ZDHHC11B: variants seen among roughly 807,000 people sequenced by gnomAD.
ZDHHC11B encodes the protein zDHHC palmitoyltransferase 11B (putative).
In ZDHHC11B, 17 loss-of-function variants were observed where a neutral mutation model predicts 42.3. That is an observed-to-expected ratio of 0.40 (90% CI 0.27 to 0.60). ZDHHC11B has a LOEUF of 0.60. ZDHHC11B is among the 20% of genes least tolerant of loss of function. ZDHHC11B has a pLI of 0.41. For missense variants in ZDHHC11B, 262 were observed against 463.2 expected, an observed-to-expected ratio of 0.57 and a Z score of 3.99; for synonymous variants, 123 against 193.5, an observed-to-expected ratio of 0.64 and a Z score of 3.02.
intron 1 of ZDHHC11B, among the ~76,000 whole-genome samples, chr5:776,518 G>C (rs1165930737): frequency 6.6e-6 from 1 of 151,894 alleles, no homozygotes; most frequent in Non-Finnish European, 1.5e-5. Context: ...CGCCTGCTGG[G>C]CCCACGCAGT....
chr5:767,016 C>A, intron 3 of ZDHHC11B, 97 bp from the exon 4 acceptor site: 1 of 1,410,890 alleles, frequency 7.1e-7, no homozygotes, highest in Non-Finnish European at 9.8e-7. Flanking sequence ...GAACATGGCC[C>A]CCAGGACCAG....
chr5:722,899 T>A (rs1742296432), intron 12 of ZDHHC11B, among the ~76,000 whole-genome samples: 1 of 151,540 alleles, frequency 6.6e-6, no homozygotes, highest in Non-Finnish European at 1.5e-5. Context: ...AGATTCCAGA[T>A]ACTACATACG....
At chr5:721,129 A>T (rs139546905) in intron 12 of ZDHHC11B, among the ~76,000 whole-genome samples, 10 of 151,584 alleles carry the variant, frequency 6.6e-5, no homozygotes, top group Non-Finnish European at 1.3e-4. Flanking sequence ...TTGGTATTCA[A>T]ACTAGGGTGT....
rs370633188 is a variant in ZDHHC11B at position 745,743 on chromosome 5, C to G, written c.785-445G>C. Among the ~76,000 whole-genome samples the G allele has an allele frequency of 1.5e-3, 222 of 150,104 alleles. 1 individual carries two copies. The highest frequency in any genetic ancestry group is 6.4e-3 in the East Asian group (31 of 4,848). On this transcript the variant is annotated intron_variant, in intron 8 of 13. Coordinates refer to ENST00000508859, the MANE Select transcript of ZDHHC11B (RefSeq NM_001351303.2). ...GGGTCCAGGTGGCCTGTGGGGTTCC[C>G]CACATCTGGACACTGGGTGGGGCGC...
At chr5:770,546 A>C (rs1396996223) in intron 1 of ZDHHC11B, among the ~76,000 whole-genome samples, 2 of 151,064 alleles carry the variant, frequency 1.3e-5, no homozygotes, top group Admixed American at 1.3e-4. Flanking sequence ...GCAGCTCTGG[A>C]GGACACCTCG....
In ZDHHC11B at chr5:764,480, C is replaced by T. The variant is rs1203601608; in HGVS notation, c.222+2218G>A. On this transcript the variant is annotated intron_variant, in intron 4 of 13. Coordinates refer to ENST00000508859, the MANE Select transcript of ZDHHC11B (RefSeq NM_001351303.2). ...AGCAGCCGGCCGGCACTGCCGGCCC[C>T]GGGCAGTGAGGGGCTTAGCACCTAG... Among the ~76,000 whole-genome samples, 10 of 151,924 alleles carry T rather than the reference C, an allele frequency of 6.6e-5. 1 individual carries two copies. Among genetic ancestry groups the T allele is most frequent in the African/African-American group, 1.9e-4 (8 of 41,342 alleles).
rs564718766 is a variant in ZDHHC11B, at chr5:736,462, C to T, written c.936-2623G>A. ...AATGACCTTAAACTATATCCTAGAACAAAAGGACTTGACAGATATTTACAG... is the reference window on the plus strand; with the variant it reads ...AATGACCTTAAACTATATCCTAGAATAAAAGGACTTGACAGATATTTACAG... On this transcript the variant is annotated intron_variant, in intron 10 of 13. Transcript: ENST00000508859. Among the ~76,000 whole-genome samples, 8 of 149,702 alleles carry T rather than the reference C, an allele frequency of 5.3e-5. 2 individuals carry two copies. In the South Asian group the frequency reaches 6.7e-4, roughly 13 times the overall value.
chr5:743,441 T>TA (rs1744391510), intron 9 of ZDHHC11B, among the ~76,000 whole-genome samples: 1 of 147,808 alleles, frequency 6.8e-6, no homozygotes, highest in East Asian at 2.1e-4. Flanking sequence ...TAATTTCTGC[T>TA]AAAACAGAAG....
Position 766,910 on chromosome 5 carries a change from G to A in ZDHHC11B, c.10C>T (p.Arg4Cys), listed in dbSNP as rs760439652. Reference sequence around the variant, plus strand: ...GTGACGGAACACTGGCTCCCGGAGCGGGTGTCCATCTGCAGGACACAGAAG... The same window carrying A: ...GTGACGGAACACTGGCTCCCGGAGCAGGTGTCCATCTGCAGGACACAGAAG... The part of the protein sequence containing the change: MDT[R>C]SGSQCSVTPE... The change falls in exon 4 of 14, where the codon CGC (arginine) becomes TGC (cysteine). Residue 4 changes from arginine (R) to cysteine (C), a missense_variant. Arg to Cys is a radical substitution (Grantham distance 180). Transcript: ENST00000508859. The A allele has an allele frequency of 5.0e-5, 81 of 1,611,904 alleles. No individual in the cohort carries two copies. The highest frequency in any genetic ancestry group is 4.9e-5 in the Non-Finnish European group (58 of 1,179,042).
At chr5:733,354 A>G (rs113838110) in intron 11 of ZDHHC11B, among the ~76,000 whole-genome samples, 3,192 of 150,888 alleles carry the variant, frequency 0.021, 26 homozygotes, top group African/African-American at 0.075. Context: ...GTCCTTCCTG[A>G]GCATTTTATT....
chr5:724,697 A>G (rs1458967099), intron 12 of ZDHHC11B, among the ~76,000 whole-genome samples: 1 of 149,968 alleles, frequency 6.7e-6, no homozygotes, highest in Non-Finnish European at 1.5e-5. Context: ...ACAGACACAC[A>G]GATGCATACT....
intron 1 of ZDHHC11B, among the ~76,000 whole-genome samples, chr5:773,101 G>C (rs1189300956): frequency 5.3e-5 from 8 of 151,948 alleles, no homozygotes; most frequent in African/African-American, 1.9e-4. Context: ...AGACCCACGT[G>C]CTGTTTCCAC....
chr5:721,883 A>G (rs562173288), intron 12 of ZDHHC11B, among the ~76,000 whole-genome samples: 1 of 151,870 alleles, frequency 6.6e-6, no homozygotes, highest in South Asian at 2.1e-4. Flanking sequence ...AAAACTGATG[A>G]GTGGAATTGA....
chr5:752,099 G>C lies in ZDHHC11B; in HGVS notation c.504-842C>G, dbSNP rs1745854904. Among the ~76,000 whole-genome samples the C allele has an allele frequency of 1.6e-5, 2 of 124,162 alleles. 1 individual carries two copies. The highest frequency in any genetic ancestry group is 3.6e-5 in the Non-Finnish European group (2 of 55,504). 81.5% of individuals were successfully genotyped at this position (124,162 alleles called of 152,430 possible). A position where few individuals can be genotyped will look rare whatever the true frequency, so the allele number is the denominator to read the frequency against. On this transcript the variant is annotated intron_variant, in intron 6 of 13. Transcript: ENST00000508859. ...GCTGGGTCCCCTCAGGGGGCCCTGA[G>C]CATGGTCTGTGCTGGGGTCTCCATG...
intron 1 of ZDHHC11B, among the ~76,000 whole-genome samples, chr5:780,480 C>T (rs1171751894): frequency 6.6e-6 from 1 of 150,606 alleles, no homozygotes. Context: ...CCACGTTAGC[C>T]AGCACAGCAG....
intron 12 of ZDHHC11B, among the ~76,000 whole-genome samples, chr5:724,965 G>A (rs1421693536): frequency 6.8e-6 from 1 of 146,244 alleles, no homozygotes; most frequent in Non-Finnish European, 1.5e-5. Flanking sequence ...GCACTTCTGG[G>A]CCTTTGTTGC....
chr5:763,650 G>C (rs1180104273), intron 4 of ZDHHC11B, among the ~76,000 whole-genome samples: 1 of 151,762 alleles, frequency 6.6e-6, no homozygotes, highest in Non-Finnish European at 1.5e-5. Flanking sequence ...CCCATGGCAC[G>C]TGGGCTCCTG....
chr5:743,245 G>C (rs1744370417), intron 9 of ZDHHC11B, among the ~76,000 whole-genome samples: 1 of 149,380 alleles, frequency 6.7e-6, no homozygotes, highest in African/African-American at 2.5e-5. Context: ...GCGCCACACT[G>C]TTTTTATTAC....
chr5:749,617 A>G (rs1156467792), intron 7 of ZDHHC11B, among the ~76,000 whole-genome samples: 1 of 130,192 alleles, frequency 7.7e-6, no homozygotes, highest in African/African-American at 2.5e-5. Context: ...GAAGCCCTGC[A>G]GAATCATCTG....
Sources: allele counts gnomAD v4.1 joint callset (sites outside exome capture counted in the v4.1 genomes callset), GRCh38; gene constraint gnomAD v4.1.1; transcripts MANE v1.5; gene names NCBI Gene and HGNC (gene_info 2026-07-23, HGNC 2026-07-21).